The following SEMA6A variants were observed in gnomAD, a reference collection of about 807,000 sequenced individuals.
The protein encoded by SEMA6A is semaphorin-6A.
A neutral mutation model predicts 96.8 loss-of-function variants in SEMA6A; 25 were observed. The observed-to-expected ratio is 0.26, with a 90% CI of 0.19 to 0.36. SEMA6A has a LOEUF of 0.36. SEMA6A is among the 10% of genes least tolerant of loss of function. The pLI is 1.00. For synonymous variants in SEMA6A, 612 were observed against 518.0 expected, an observed-to-expected ratio of 1.18 and a Z score of -2.46; for missense variants, 1,363 against 1,323.1, an observed-to-expected ratio of 1.03 and a Z score of -0.47.
chr5:116,487,816 A>T (rs1250446452), intron 9 of SEMA6A, among the ~76,000 whole-genome samples: 8 of 152,214 alleles, frequency 5.3e-5, no homozygotes, highest in Admixed American at 2.6e-4. Context: ...GAGAGCCGAG[A>T]TTGTACCACT....
intron 7 of SEMA6A, among the ~76,000 whole-genome samples, chr5:116,489,223 C>G (rs1164017563): frequency 1.3e-5 from 2 of 152,070 alleles, no homozygotes. Context: ...TTTAAAATTG[C>G]ATGGCAATTT....
Position 116,545,997 on chromosome 5 carries a change from G to A in SEMA6A, c.-39+28188C>T, listed in dbSNP as rs566411016. Among the ~76,000 whole-genome samples the A allele has an allele frequency of 3.3e-5, 5 of 152,276 alleles. No individual in the cohort carries two copies. In the East Asian group the frequency reaches 9.7e-4, roughly 29 times the overall value. On this transcript the variant is annotated intron_variant, in intron 1 of 18. Coordinates refer to ENST00000343348, the MANE Select transcript of SEMA6A (RefSeq NM_020796.5). ...TAGAGCTATTTCAGGAGGCTAAGGT[G>A]GTTCATTTTGGAAACAAGATGCTTC... is the stretch of plus-strand genomic sequence containing the variant.
intron 1 of SEMA6A, among the ~76,000 whole-genome samples, chr5:116,551,256 A>G (rs371090516): frequency 5.9e-5 from 9 of 151,526 alleles, no homozygotes; most frequent in Non-Finnish European, 1.2e-4. Context: ...AACGTAGGCA[A>G]TAACAGCCAA....
intron 1 of SEMA6A, among the ~76,000 whole-genome samples, chr5:116,545,702 G>A (rs2112873028): frequency 6.6e-6 from 1 of 152,316 alleles, no homozygotes; most frequent in East Asian, 1.9e-4. Flanking sequence ...TTTCTTTGTG[G>A]CACCAGGGAA....
intron 1 of SEMA6A, among the ~76,000 whole-genome samples, chr5:116,535,446 C>T (rs1168597128): frequency 1.3e-5 from 2 of 152,138 alleles, no homozygotes; most frequent in Non-Finnish European, 2.9e-5. Flanking sequence ...TTGCAGTAAG[C>T]ATGTATGAGT....
At chr5:116,458,186 AACT>A (rs1755139065) in intron 18 of SEMA6A, among the ~76,000 whole-genome samples, 1 of 152,208 alleles carries the variant, frequency 6.6e-6, no homozygotes, top group South Asian at 2.1e-4. Context: ...ACATAATGCA[AACT>A]ACTAATTGAT....
At chr5:116,496,434 C>G (rs1481023087) in intron 4 of SEMA6A, 121 bp from the exon 5 acceptor site, 1 of 708,766 alleles carries the variant, frequency 1.4e-6, no homozygotes, top group Non-Finnish European at 2.3e-6. Flanking sequence ...CTTTCTGCAC[C>G]CTTTCTCCAT....
At chr5:116,515,427 T>A (rs1021538120) in intron 1 of SEMA6A, among the ~76,000 whole-genome samples, 26 of 152,172 alleles carry the variant, frequency 1.7e-4, no homozygotes, top group African/African-American at 5.1e-4. Flanking sequence ...TGGGTTATTT[T>A]TGCGTTGCTC....
At chr5:116,519,265 G>A (rs1299647495) in intron 1 of SEMA6A, among the ~76,000 whole-genome samples, 1 of 152,152 alleles carries the variant, frequency 6.6e-6, no homozygotes, top group East Asian at 1.9e-4. Flanking sequence ...CATTTGAGGA[G>A]TCATTATCAA....
At chr5:116,572,881 C>T (rs1761281667) in intron 1 of SEMA6A, among the ~76,000 whole-genome samples, 1 of 152,188 alleles carries the variant, frequency 6.6e-6, no homozygotes, top group South Asian at 2.1e-4. Context: ...GGGAAACTTT[C>T]CAGGAGCGCC....
chr5:116,559,760 G>T (rs975746630), intron 1 of SEMA6A, among the ~76,000 whole-genome samples: 11 of 152,028 alleles, frequency 7.2e-5, no homozygotes, highest in African/African-American at 2.7e-4. Context: ...TGATACCTTG[G>T]AACCATTTTT....
At chr5:116,451,438 G>A (rs17431959) in intron 18 of SEMA6A, among the ~76,000 whole-genome samples, 6,234 of 152,204 alleles carry the variant, frequency 0.041, 154 homozygotes, top group South Asian at 0.069. Context: ...ATGAGATTTC[G>A]AAGCAATATA....
intron 17 of SEMA6A, among the ~76,000 whole-genome samples, chr5:116,470,909 G>A (rs776751308): frequency 2.0e-5 from 3 of 152,112 alleles, no homozygotes; most frequent in Admixed American, 6.5e-5. Flanking sequence ...TTCTTCTTTC[G>A]ATGCTACAAA....
intron 17 of SEMA6A, 42 bp downstream of exon 17, chr5:116,473,031 G>T (rs1310882866): frequency 6.4e-7 from 1 of 1,571,026 alleles, no homozygotes; most frequent in Non-Finnish European, 8.7e-7. Flanking sequence ...TCTCAGATAG[G>T]TTTCCACCAG....
At chr5:116,563,191 G>T (rs1009777170) in intron 1 of SEMA6A, among the ~76,000 whole-genome samples, 13 of 152,128 alleles carry the variant, frequency 8.5e-5, no homozygotes, top group Admixed American at 7.9e-4. Flanking sequence ...GCTTTTATTT[G>T]AAAGAACTGG....
At chr5:116,488,320 T>TAACC (rs1312875537) in intron 8 of SEMA6A, 124 bp from the exon 9 acceptor site, 6 of 624,644 alleles carry the variant, frequency 9.6e-6, no homozygotes, top group Non-Finnish European at 1.7e-5. Flanking sequence ...TGGTTAACAC[T>TAACC]AACCATTTCA....
chr5:116,446,540 T>G lies in SEMA6A; in HGVS notation c.*73A>C, dbSNP rs1754219964. 49 of 1,312,546 alleles carry G rather than the reference T, an allele frequency of 3.7e-5. No individual in the cohort carries two copies. The highest frequency in any genetic ancestry group is 5.9e-5 in the Admixed American group (2 of 33,842). The allele number at this position is 1,312,546 out of a possible 1,614,324, so 81.3% of individuals were successfully genotyped here. ...TGGTCTGGTGGGTACTCGAGGCAGT[T>G]GAGAACCTTGCTGAGCTGAGCGGGC... On this transcript the variant is annotated 3_prime_UTR_variant, in exon 19 of 19. Transcript: ENST00000343348.
chr5:116,472,983 G>T (rs1299197728), intron 17 of SEMA6A, 90 bp downstream of exon 17: 1 of 1,518,998 alleles, frequency 6.6e-7, no homozygotes, highest in East Asian at 2.5e-5. Flanking sequence ...AGAAACTTAA[G>T]ATTTGAACAT....
chr5:116,508,011 C>T (rs154597), intron 1 of SEMA6A: 1 of 151,832 alleles, frequency 6.6e-6, no homozygotes, highest in South Asian at 2.1e-4. Context: ...CTTTCTACAC[C>T]CAAATTTTTT....
Sources: allele counts gnomAD v4.1 joint callset (sites outside exome capture counted in the v4.1 genomes callset), GRCh38; gene constraint gnomAD v4.1.1; transcripts MANE v1.5; gene names NCBI Gene and HGNC (gene_info 2026-07-23, HGNC 2026-07-21).